IQSEC3: variants seen among roughly 807,000 people sequenced by gnomAD.
The protein encoded by IQSEC3 is IQ motif and SEC7 domain-containing protein 3.
IQSEC3 carries 50 observed loss-of-function variants against 105.4 expected under a neutral mutation model. That is an observed-to-expected ratio of 0.47 (90% CI 0.38 to 0.60). The LOEUF is 0.60. IQSEC3 is among the 20% of genes least tolerant of loss of function. The pLI is 0.00. For missense variants in IQSEC3, 1,415 were observed against 1,630.0 expected (o/e 0.87, Z 2.27); for synonymous variants, 708 against 746.0 (o/e 0.95, Z 0.83).
At chr12:110,636 T>C (rs1555079289) in intron 2 of IQSEC3, among the ~76,000 whole-genome samples, 1 of 152,108 alleles carries the variant, frequency 6.6e-6, no homozygotes, top group Non-Finnish European at 1.5e-5. Flanking sequence ...GCTGCCCTTA[T>C]AATCATTCCC....
At chr12:135,511 G>A (rs190955132) in intron 3 of IQSEC3, among the ~76,000 whole-genome samples, 4 of 152,342 alleles carry the variant, frequency 2.6e-5, no homozygotes, top group Admixed American at 1.3e-4. Flanking sequence ...TCATGCTAGT[G>A]TACACATCCT....
At chr12:149,614 T>G (rs531675239) in intron 5 of IQSEC3, among the ~76,000 whole-genome samples, 5 of 152,244 alleles carry the variant, frequency 3.3e-5, no homozygotes, top group African/African-American at 1.2e-4. Context: ...TTAAAATAAC[T>G]GCCCTATCTT....
intron 1 of IQSEC3, among the ~76,000 whole-genome samples, chr12:71,787 G>A (rs1437434907): frequency 1.3e-5 from 2 of 152,272 alleles, no homozygotes; most frequent in Non-Finnish European, 1.5e-5. Flanking sequence ...AGGTGGCATC[G>A]TATGGCCCAT....
At chr12:165,235 G>A in intron 9 of IQSEC3, 199 bp from the exon 10 acceptor site, 1 of 600,730 alleles carries the variant, frequency 1.7e-6, no homozygotes, top group South Asian at 2.0e-5. Flanking sequence ...AGTACAGAGG[G>A]AATAACCACT....
intron 2 of IQSEC3, chr12:106,518 A>G (rs1555077946): frequency 6.6e-6 from 1 of 152,286 alleles, no homozygotes; most frequent in African/African-American, 2.4e-5. Flanking sequence ...GGACAGAAAC[A>G]GCAACAACAG....
chr12:73,391 TAC>T (rs1304743012), intron 1 of IQSEC3, among the ~76,000 whole-genome samples: 1 of 152,258 alleles, frequency 6.6e-6, no homozygotes, highest in Non-Finnish European at 1.5e-5. Flanking sequence ...CTGTTTGGGG[TAC>T]ATAGTAAGTG....
At chr12:108,598 A>G (rs76172752) in intron 2 of IQSEC3, among the ~76,000 whole-genome samples, 5,119 of 152,288 alleles carry the variant, frequency 0.034, 110 homozygotes, top group South Asian at 0.087. Context: ...ATGGTCTGAT[A>G]CCTGCTTATT....
At position 175,359 on chromosome 12, in the gene IQSEC3, G is replaced by A. The variant is rs552315835; in HGVS notation, c.*326G>A. 60 of 308,748 alleles carry A rather than the reference G, an allele frequency of 1.9e-4. No homozygotes were observed. Among genetic ancestry groups the A allele is most frequent in the African/African-American group, 1.2e-3 (55 of 46,662 alleles). The allele number at this position is 308,748 out of a possible 1,614,324, so 19.1% of individuals were successfully genotyped here. ...GAAGAAAACGAGCTGAGGGTCTAAC[G>A]AGCTTGCAGGCTTTGAGTCTGTTAG... On this transcript the variant is annotated 3_prime_UTR_variant, in exon 14 of 14. Coordinates refer to ENST00000538872, the MANE Select transcript of IQSEC3 (RefSeq NM_001170738.2).
chr12:155,585 G>T (rs1276620743), intron 5 of IQSEC3, among the ~76,000 whole-genome samples: 1 of 152,182 alleles, frequency 6.6e-6, no homozygotes, highest in African/African-American at 2.4e-5. Context: ...CTCCACTGTG[G>T]CGTCTCCCCT....
intron 3 of IQSEC3, among the ~76,000 whole-genome samples, chr12:136,746 AC>A (rs1865780017): frequency 6.6e-6 from 1 of 152,102 alleles, no homozygotes; most frequent in East Asian, 1.9e-4. Flanking sequence ...AAACACTCGC[AC>A]TTCCCAAACT....
intron 1 of IQSEC3, among the ~76,000 whole-genome samples, chr12:83,588 G>A (rs1382464762): frequency 6.6e-6 from 1 of 151,790 alleles, no homozygotes; most frequent in Non-Finnish European, 1.5e-5. Flanking sequence ...ACAGAAGAAG[G>A]GAAGGGGGGC....
intron 13 of IQSEC3, among the ~76,000 whole-genome samples, chr12:173,025 G>A (rs1291600700): frequency 3.9e-5 from 6 of 152,180 alleles, no homozygotes; most frequent in South Asian, 2.1e-4. Context: ...AAGTCCAGGC[G>A]GAGGGAGGCA....
intron 1 of IQSEC3, among the ~76,000 whole-genome samples, chr12:93,953 T>A (rs569633783): frequency 1.3e-4 from 20 of 152,348 alleles, no homozygotes; most frequent in African/African-American, 4.8e-4. Context: ...GGAAGCAGCC[T>A]GAGGCCTCAC....
At chr12:126,544 G>GGTGTGTGTGTGT (rs56871643) in intron 3 of IQSEC3, among the ~76,000 whole-genome samples, 2,570 of 145,772 alleles carry the variant, frequency 0.018, 64 homozygotes, top group African/African-American at 0.041. Context: ...CTTGATGGAA[G>GGTGTGTGTGTGT]GTGTGTGTGT....
chr12:89,640 C>CTCTT (rs10643279), intron 1 of IQSEC3, among the ~76,000 whole-genome samples: 87,766 of 151,544 alleles, frequency 0.58, 26,302 homozygotes, highest in African/African-American at 0.67. Flanking sequence ...TGAAACTTAC[C>CTCTT]TCTGTCAATA....
chr12:139,047 G>T lies in IQSEC3; in HGVS notation c.1684G>T (p.Ala562Ser). The part of the protein sequence containing the change: ...DSCAEAAASG[A>S]ADGATAPKTE... The stretch of plus-strand genomic sequence containing the variant: ...ATGCGCAGAGGCTGCGGCTAGTGGG[G>T]CGGCGGATGGGGCCACAGCCCCCAA... The change falls in exon 4 of 14, where the codon GCG becomes TCG. Residue 562 changes from alanine to serine, a missense_variant. This residue lies in a region of IQSEC3 where 720 missense variants were observed against 633.0 expected (regional missense o/e 1.14). Transcript: ENST00000538872. 6.7e-7 allele frequency: 1 copy of T among 1,485,142 alleles called. No homozygotes were observed. 92.0% of individuals were successfully genotyped at this position (1,485,142 alleles called of 1,614,324 possible).
At chr12:78,390 G>T (rs1200673076) in intron 1 of IQSEC3, among the ~76,000 whole-genome samples, 1 of 152,016 alleles carries the variant, frequency 6.6e-6, no homozygotes, top group African/African-American at 2.4e-5. Context: ...GGAGAAGAAG[G>T]GGACATTGAG....
intron 4 of IQSEC3, 89 bp from the exon 5 acceptor site, chr12:141,034 TG>T: frequency 7.5e-7 from 1 of 1,335,396 alleles, no homozygotes; most frequent in Non-Finnish European, 1.0e-6. Context: ...CAAGAACCTC[TG>T]GGTACTTCTA....
At position 74,931 on chromosome 12, in the gene IQSEC3, G is replaced by A. The variant is rs573424734; in HGVS notation, c.554+7495G>A. 5.3e-5 allele frequency among the ~76,000 whole-genome samples: 8 copies of A among 152,380 alleles called. No homozygotes were observed. In the South Asian group the frequency reaches 1.7e-3, roughly 32 times the overall value. On this transcript the variant is annotated intron_variant, in intron 1 of 13. Transcript: ENST00000538872. ...TCATCCACTGCTCTCAACATTATGT[G>A]ACGATGGACCAAAAGAGCCCATCAG...
Sources: gnomAD v4.1 joint callset for allele counts (sites outside exome capture counted in the v4.1 genomes callset) on GRCh38, gnomAD v4.1.1 for gene constraint, gnomAD v4.1.1 regional missense constraint, MANE v1.5 for transcripts, NCBI Gene and HGNC (gene_info 2026-07-23, HGNC 2026-07-21) for gene names.